Variants in BRCA2 observed in about 807,000 individuals in gnomAD.
The protein encoded by BRCA2 is BRCA2 DNA repair associated.
A neutral mutation model predicts 276.7 loss-of-function variants in BRCA2; 203 were observed. That is an observed-to-expected ratio of 0.73 (90% CI 0.65 to 0.82). The LOEUF (loss-of-function observed/expected upper bound fraction) is 0.82, where lower values mean the gene tolerates loss of function less well. Among genes scored for constraint, BRCA2 ranks in the 40% least tolerant of loss-of-function variants. The probability of loss-of-function intolerance (pLI) is 0.00; values close to 1 mark genes in which losing one functional copy is unlikely to be tolerated. For missense variants in BRCA2, 3,920 were observed against 3,915.0 expected, an observed-to-expected ratio of 1.00 and a Z score of -0.03; for synonymous variants, 1,289 against 1,338.4, an observed-to-expected ratio of 0.96 and a Z score of 0.81.
chr13:32,379,601 G>A lies in BRCA2; in HGVS notation c.8953+86G>A, dbSNP rs2072905528. 3.2e-6 allele frequency: 5 copies of A among 1,538,728 alleles called. No homozygotes were observed. The South Asian group carries it at 4.7e-5, about 14-fold the overall frequency. Reference sequence around the variant, plus strand: ...CAAAATGATTATAAATCCAGATAAAGTATAAAGTTAGTTTATATCAGAGAA... The same window carrying A: ...CAAAATGATTATAAATCCAGATAAAATATAAAGTTAGTTTATATCAGAGAA... On this transcript the variant is annotated intron_variant, in intron 22 of 26. Coordinates refer to ENST00000380152, the MANE Select transcript of BRCA2 (RefSeq NM_000059.4).
Position 32,338,775 on chromosome 13 carries a change from A to G in BRCA2, c.4420A>G (p.Lys1474Glu). The G allele has an allele frequency of 6.2e-7, 1 of 1,612,094 alleles. No homozygotes were observed. Among genetic ancestry groups the G allele is most frequent in the Non-Finnish European group, 8.5e-7 (1 of 1,179,062 alleles). Residue 1474 changes from lysine (K) to glutamate (E), a missense_variant, in exon 11 of 27, where the codon AAA becomes GAA. Lys to Glu is a moderately conservative substitution (Grantham distance 56). This residue lies in a region of BRCA2 where 3,263 missense variants were observed against 3,156.9 expected (regional missense o/e 1.03). Transcript: ENST00000380152. ...ATTACATTCTGACATAAGAAAGAAC[A>G]AAATGGACATTCTAAGTTATGAGGA... is the stretch of plus-strand genomic sequence containing the variant. ...SELHSDIRKN[K>E]MDILSYEETD... is the part of the protein sequence containing the mutation.
In BRCA2 at chr13:32,338,367, G is replaced by T. The variant is rs1555283503; in HGVS notation, c.4012G>T (p.Gly1338Cys). The T allele has an allele frequency of 1.3e-6, 2 of 1,587,322 alleles. No individual in the cohort carries two copies. The highest frequency in any genetic ancestry group is 1.2e-5 in the South Asian group (1 of 85,414). ...SRNSHNLEFD[G>C]SDSSKNDTVC... ...AAATTCTCATAACTTAGAATTTGAT[G>T]GCAGTGATTCAAGTAAAAATGATAC... Residue 1338 changes from glycine to cysteine, a missense_variant, in exon 11 of 27, where the codon GGC (glycine) becomes TGC (cysteine). This residue lies in a region of BRCA2 where 3,263 missense variants were observed against 3,156.9 expected (regional missense o/e 1.03). Transcript: ENST00000380152.
intron 25 of BRCA2, among the ~76,000 whole-genome samples, chr13:32,396,569 T>C (rs2137657904): frequency 6.6e-6 from 1 of 152,294 alleles, no homozygotes; most frequent in Admixed American, 6.5e-5. Context: ...AAGTAGTAAA[T>C]AGAGCTAGGA....
At position 32,326,253 on chromosome 13, in the gene BRCA2, A is replaced by C. The variant is rs767985386; in HGVS notation, c.487A>C (p.Ser163Arg). The change falls in exon 6 of 27, where the codon AGT becomes CGT. Residue 163 changes from serine (S) to arginine (R), a missense_variant. Ser to Arg is a moderately radical substitution (Grantham distance 110). This residue lies in a region of BRCA2 where 3,263 missense variants were observed against 3,156.9 expected (regional missense o/e 1.03). Coordinates refer to ENST00000380152, the MANE Select transcript of BRCA2 (RefSeq NM_000059.4). ...PQRDKSVVCG[S>R]LFHTPKFVKG... ...TTTTTTACCCCCAGTGGTATGTGGG[A>C]GTTTGTTTCATACACCAAAGTTTGT... 5 of 1,613,432 alleles carry C rather than the reference A, an allele frequency of 3.1e-6. No homozygotes were observed. The South Asian group carries it at 5.5e-5, about 18-fold the overall frequency.
In BRCA2 at chr13:32,395,960, C is replaced by CTTTTTTTT. The variant is rs397838402; in HGVS notation, c.9502-917_9502-910dup. Reference sequence around the variant, plus strand: ...CCACATTTTCTTTTTTTCTTTCTTTCTTTTTTTTTTTTTTTTTTTTTTTTT... The same window carrying CTTTTTTTT: ...CCACATTTTCTTTTTTTCTTTCTTTCTTTTTTTTTTTTTTTTTTTTTTTTTTTTTTTTT... On this transcript the variant is annotated intron_variant, in intron 25 of 26. Coordinates refer to ENST00000380152, the MANE Select transcript of BRCA2 (RefSeq NM_000059.4). The CTTTTTTTT allele has an allele frequency of 1.9e-3, 150 of 79,178 alleles. 3 individuals carry two copies. Among genetic ancestry groups the CTTTTTTTT allele is most frequent in the African/African-American group, 3.2e-3 (36 of 11,144 alleles). The allele number at this position is 79,178 out of a possible 1,614,324, so 4.9% of individuals were successfully genotyped here.
At chr13:32,362,786 A>G in intron 17 of BRCA2, 93 bp downstream of exon 17, 8 of 1,418,622 alleles carry the variant, frequency 5.6e-6, no homozygotes, top group Non-Finnish European at 3.9e-6. Context: ...ATGTTGCACA[A>G]GCCAGTTGTC....
intron 24 of BRCA2, among the ~76,000 whole-genome samples, chr13:32,392,589 CAAAAAA>C (rs10577567): frequency 7.5e-6 from 1 of 133,950 alleles, no homozygotes; most frequent in African/African-American, 2.7e-5. Context: ...GACTGCGTCT[CAAAAAA>C]AAAAAAAAAA....
chr13:32,322,427 G>A (rs746545479), intron 3 of BRCA2, among the ~76,000 whole-genome samples: 3 of 152,214 alleles, frequency 2.0e-5, no homozygotes, highest in Non-Finnish European at 2.9e-5. Flanking sequence ...TGTTTCTATA[G>A]ATTATAGATT....
At chr13:32,387,145 A>G (rs920504773) in intron 24 of BRCA2, among the ~76,000 whole-genome samples, 1 of 152,124 alleles carries the variant, frequency 6.6e-6, no homozygotes, top group Non-Finnish European at 1.5e-5. Context: ...GAGCCTGCCC[A>G]TATGTGTGGG....
intron 13 of BRCA2, among the ~76,000 whole-genome samples, chr13:32,348,629 G>A (rs751928981): frequency 1.3e-5 from 2 of 152,132 alleles, no homozygotes; most frequent in Non-Finnish European, 2.9e-5. Flanking sequence ...TTTCAGATGT[G>A]AAGTACTAAA....
intron 2 of BRCA2, among the ~76,000 whole-genome samples, chr13:32,318,104 A>G (rs899516789): frequency 6.8e-6 from 1 of 147,430 alleles, no homozygotes; most frequent in Admixed American, 6.7e-5. Context: ...AAGGACACTC[A>G]GTGGTAAGGA....
rs2137453057 is a variant in BRCA2, at chr13:32,326,612, A to T, written c.630A>T (p.Ile210=). ...TPPTLSSTVL[I]VRNEEASETV... Reference sequence around the variant, plus strand: ...CCACCCTTAGTTCTACTGTGCTCATAGGTAATAATAGCAAATGTGTATTTA... The same window carrying T: ...CCACCCTTAGTTCTACTGTGCTCATTGGTAATAATAGCAAATGTGTATTTA... The change falls in exon 7 of 27, where the codon ATA becomes ATT. Residue 210 remains isoleucine (I), a splice_region_variant and synonymous_variant. Transcript: ENST00000380152. 6.3e-7 allele frequency: 1 copy of T among 1,577,362 alleles called. No homozygotes were observed. Among genetic ancestry groups the T allele is most frequent in the Non-Finnish European group, 8.7e-7 (1 of 1,147,252 alleles).
intron 18 of BRCA2, among the ~76,000 whole-genome samples, chr13:32,369,416 T>G (rs1041681683): frequency 1.3e-5 from 2 of 152,298 alleles, no homozygotes; most frequent in African/African-American, 4.8e-5. Flanking sequence ...GCCTCCAATT[T>G]CTGAGTGTTT....
chr13:32,363,679 A>G, intron 18 of BRCA2, 146 bp downstream of exon 18: 1 of 832,180 alleles, frequency 1.2e-6, no homozygotes. Flanking sequence ...TATTCTTCAG[A>G]CAGTTAAAGT....
rs2137462424 is a variant in BRCA2, at chr13:32,331,043, T to A, written c.793+13T>A. On this transcript the variant is annotated intron_variant, in intron 9 of 26. Coordinates refer to ENST00000380152, the MANE Select transcript of BRCA2 (RefSeq NM_000059.4). ...GCTGCAAGTCATGGTAAGTCCTCTG[T>A]TTAGTTGAACTACAGGTTTTTTTGT... The A allele has an allele frequency of 1.3e-6, 2 of 1,574,170 alleles. No individual in the cohort carries two copies. The highest frequency in any genetic ancestry group is 1.7e-6 in the Non-Finnish European group (2 of 1,144,698).
rs200156944 is a variant in BRCA2, at chr13:32,376,521, C to CA, written c.8633-135dup. ...TGGGTGACAGAGTGAGACCCTGTCTCAAAAAAAAAAAAAAGAAAAAACTTT... is the reference window on the plus strand; with the variant it reads ...TGGGTGACAGAGTGAGACCCTGTCTCAAAAAAAAAAAAAAAGAAAAAACTTT... On this transcript the variant is annotated intron_variant, in intron 20 of 26. Coordinates refer to ENST00000380152, the MANE Select transcript of BRCA2 (RefSeq NM_000059.4). 155,894 of 704,904 alleles carry CA rather than the reference C, an allele frequency of 0.22. 3,644 individuals are homozygous for CA. The highest frequency in any genetic ancestry group is 0.34 in the East Asian group (11,046 of 32,488). 43.7% of individuals were successfully genotyped at this position (704,904 alleles called of 1,614,324 possible).
chr13:32,329,865 A>G (rs1237767932), intron 8 of BRCA2, among the ~76,000 whole-genome samples: 2 of 152,090 alleles, frequency 1.3e-5, no homozygotes, highest in Non-Finnish European at 2.9e-5. Flanking sequence ...ATAAAGTTTA[A>G]TTCATAAATT....
Position 32,398,591 on chromosome 13 carries a change from A to G in BRCA2, c.10078A>G (p.Lys3360Glu), listed in dbSNP as rs1593202262. The change falls in exon 27 of 27, where the codon AAA (lysine) becomes GAA (glutamate). Residue 3360 changes from lysine (K) to glutamate (E), a missense_variant. Coordinates refer to ENST00000380152, the MANE Select transcript of BRCA2 (RefSeq NM_000059.4). ...TCTTTTGTCTGGTTCAACAGGAGAA[A>G]AACAATTTATATCTGTCAGTGAATC... ...QALLSGSTGE[K>E]QFISVSESTR... 6.2e-7 allele frequency: 1 copy of G among 1,614,162 alleles called. No individual in the cohort carries two copies. Among genetic ancestry groups the G allele is most frequent in the Non-Finnish European group, 8.5e-7 (1 of 1,180,010 alleles).
intron 24 of BRCA2, among the ~76,000 whole-genome samples, chr13:32,382,447 G>A (rs751807818): frequency 6.6e-6 from 1 of 152,204 alleles, no homozygotes; most frequent in South Asian, 2.1e-4. Flanking sequence ...ACTGGAGTGA[G>A]GTATGCTGAA....
Sources: gnomAD v4.1 joint callset for allele counts (sites outside exome capture counted in the v4.1 genomes callset) on GRCh38, gnomAD v4.1.1 for gene constraint, gnomAD v4.1.1 regional missense constraint, MANE v1.5 for transcripts, NCBI Gene and HGNC (gene_info 2026-07-23, HGNC 2026-07-21) for gene names.